Variants in ZBTB20 observed in about 807,000 individuals in gnomAD.
The protein encoded by ZBTB20 is zinc finger and BTB domain-containing protein 20.
In ZBTB20, 9 loss-of-function variants were observed where a neutral mutation model predicts 56.9. The ratio of observed to expected loss-of-function variants is 0.16; its 90% CI spans 0.10 to 0.28. The LOEUF (loss-of-function observed/expected upper bound fraction) is 0.28, where lower values mean the gene tolerates loss of function less well. Among genes scored for constraint, ZBTB20 ranks in the 10% least tolerant of loss-of-function variants. The probability of loss-of-function intolerance (pLI) is 1.00; values close to 1 mark genes in which losing one functional copy is unlikely to be tolerated. For synonymous variants in ZBTB20, 417 were observed against 420.7 expected (o/e 0.99, Z 0.11); for missense variants, 655 against 1,003.0 (o/e 0.65, Z 4.69).
At position 114,370,889 on chromosome 3, in the gene ZBTB20, T is replaced by C. The variant is rs543855972; in HGVS notation, c.199+9328A>G. Reference sequence around the variant, plus strand: ...ATACCTTGGAGTTATCTTTGATAACTGCCTTTGTTGTAACTAACACTCAGC... The same window carrying C: ...ATACCTTGGAGTTATCTTTGATAACCGCCTTTGTTGTAACTAACACTCAGC... On this transcript the variant is annotated intron_variant, in intron 10 of 11. Transcript: ENST00000675478. Among the ~76,000 whole-genome samples, 34 of 152,224 alleles carry C rather than the reference T, an allele frequency of 2.2e-4. 1 individual carries two copies. The highest frequency in any genetic ancestry group is 1.1e-3 in the Admixed American group (17 of 15,280).
At chr3:114,567,609 A>G (rs2052930823) in intron 6 of ZBTB20, among the ~76,000 whole-genome samples, 1 of 152,116 alleles carries the variant, frequency 6.6e-6, no homozygotes, top group South Asian at 2.1e-4. Flanking sequence ...CTGATATTCT[A>G]AAAGTGAATA....
At chr3:114,907,010 T>C (rs2075345458) in intron 3 of ZBTB20, among the ~76,000 whole-genome samples, 2 of 151,840 alleles carry the variant, frequency 1.3e-5, no homozygotes, top group Non-Finnish European at 2.9e-5. Flanking sequence ...AAAAATCAAC[T>C]GAAATGTACA....
At chr3:114,955,853 T>C (rs2077229138) in intron 3 of ZBTB20, among the ~76,000 whole-genome samples, 2 of 152,048 alleles carry the variant, frequency 1.3e-5, no homozygotes, top group Admixed American at 6.6e-5. Flanking sequence ...CCACTTTTCA[T>C]AGATAGAGCA....
intron 1 of ZBTB20, among the ~76,000 whole-genome samples, chr3:115,133,840 T>C (rs2108675179): frequency 6.6e-6 from 1 of 152,348 alleles, no homozygotes; most frequent in South Asian, 2.1e-4. Context: ...CCATGAATAT[T>C]TGAGTATAAA....
intron 6 of ZBTB20, among the ~76,000 whole-genome samples, chr3:114,622,233 G>T (rs1456658060): frequency 1.3e-5 from 2 of 150,830 alleles, no homozygotes; most frequent in East Asian, 3.9e-4. Flanking sequence ...TCCTATGTAG[G>T]TCTTGGTGGT....
chr3:115,073,681 T>C (rs939945332), intron 1 of ZBTB20, among the ~76,000 whole-genome samples: 19 of 151,872 alleles, frequency 1.3e-4, no homozygotes, highest in African/African-American at 4.1e-4. Context: ...TTTATAACTA[T>C]AAACAAAGAT....
chr3:114,664,054 T>C (rs1462792749), intron 6 of ZBTB20, among the ~76,000 whole-genome samples: 2 of 152,182 alleles, frequency 1.3e-5, no homozygotes, highest in East Asian at 1.9e-4. Flanking sequence ...TGACATTTAG[T>C]AGTAATTTAG....
intron 4 of ZBTB20, among the ~76,000 whole-genome samples, chr3:114,815,388 A>G (rs2072843668): frequency 6.6e-6 from 1 of 152,234 alleles, no homozygotes; most frequent in South Asian, 2.1e-4. Context: ...ACGAGCATCA[A>G]TAGTCTGATG....
intron 5 of ZBTB20, among the ~76,000 whole-genome samples, chr3:114,769,112 C>T (rs1186080438): frequency 2.0e-5 from 3 of 152,080 alleles, no homozygotes; most frequent in African/African-American, 7.2e-5. Context: ...TACTGCATAT[C>T]TTATGGATGA....
At chr3:114,733,802 A>G (rs1362941388) in intron 5 of ZBTB20, among the ~76,000 whole-genome samples, 3 of 152,176 alleles carry the variant, frequency 2.0e-5, no homozygotes, top group Non-Finnish European at 4.4e-5. Context: ...GAAAGGACTG[A>G]GACTGATATT....
intron 5 of ZBTB20, among the ~76,000 whole-genome samples, chr3:114,736,072 G>A (rs1200261912): frequency 6.6e-6 from 1 of 152,168 alleles, no homozygotes; most frequent in Non-Finnish European, 1.5e-5. Context: ...TCATTTGAAA[G>A]TTATCACAGT....
chr3:115,141,912 T>C (rs1206993483), intron 1 of ZBTB20, among the ~76,000 whole-genome samples: 2 of 152,216 alleles, frequency 1.3e-5, no homozygotes, highest in African/African-American at 2.4e-5. Context: ...CAAGATTTCA[T>C]CTTCTGCCGT....
At chr3:114,599,865 C>T (rs1373986366) in intron 6 of ZBTB20, among the ~76,000 whole-genome samples, 3 of 151,950 alleles carry the variant, frequency 2.0e-5, no homozygotes, top group African/African-American at 7.2e-5. Flanking sequence ...GGTTACATGA[C>T]TGTACTAAGA....
At chr3:114,383,227 A>T (rs2084614292) in intron 8 of ZBTB20, among the ~76,000 whole-genome samples, 2 of 152,226 alleles carry the variant, frequency 1.3e-5, no homozygotes, top group African/African-American at 4.8e-5. Flanking sequence ...GGGTCAAAAC[A>T]GTAATGACAT....
intron 2 of ZBTB20, among the ~76,000 whole-genome samples, chr3:115,069,282 T>C (rs548717986): frequency 6.6e-6 from 1 of 152,274 alleles, no homozygotes; most frequent in South Asian, 2.1e-4. Flanking sequence ...ACAGTCTTTT[T>C]TGTCACGACT....
chr3:115,050,021 T>C (rs541620844), intron 2 of ZBTB20, among the ~76,000 whole-genome samples: 42 of 152,170 alleles, frequency 2.8e-4, no homozygotes, highest in Admixed American at 2.4e-3. Flanking sequence ...GTACAGATCG[T>C]AAATATATGC....
At chr3:114,594,266 CTT>C (rs1001656979) in intron 6 of ZBTB20, among the ~76,000 whole-genome samples, 60 of 132,248 alleles carry the variant, frequency 4.5e-4, no homozygotes, top group East Asian at 2.1e-3. Context: ...TTCTCATATT[CTT>C]TTTTTTTTTT....
chr3:114,580,597 G>C (rs1049239219), intron 6 of ZBTB20, among the ~76,000 whole-genome samples: 4 of 151,698 alleles, frequency 2.6e-5, no homozygotes, highest in African/African-American at 9.7e-5. Context: ...AAACTTAAGA[G>C]AATTTACCAG....
At chr3:115,037,267 T>C (rs1576621502) in intron 2 of ZBTB20, among the ~76,000 whole-genome samples, 1 of 152,150 alleles carries the variant, frequency 6.6e-6, no homozygotes, top group African/African-American at 2.4e-5. Flanking sequence ...GAATCCAAAG[T>C]AAAGAAATTT....
Sources: allele counts gnomAD v4.1 joint callset (sites outside exome capture counted in the v4.1 genomes callset), GRCh38; gene constraint gnomAD v4.1.1; transcripts MANE v1.5; gene names NCBI Gene and HGNC (gene_info 2026-07-23, HGNC 2026-07-21).